Variants in TTN observed in about 807,000 individuals in gnomAD.
TTN encodes connectin.
Under a neutral mutation model 3,223.0 loss-of-function variants are expected in TTN, and 1,525 were observed. The ratio of observed to expected loss-of-function variants is 0.47; its 90% CI spans 0.45 to 0.49. TTN has a LOEUF of 0.49. Among genes scored for constraint, TTN ranks in the 20% least tolerant of loss-of-function variants. The pLI, the probability that TTN is intolerant of heterozygous loss-of-function variation, is 0.00. For synonymous variants in TTN, 14,094 were observed against 15,161.0 expected, an observed-to-expected ratio of 0.93 and a Z score of 5.17; for missense variants, 40,786 against 43,424.0, an observed-to-expected ratio of 0.94 and a Z score of 5.40.
intron 3 of TTN, among the ~76,000 whole-genome samples, chr2:178,801,256 C>T (rs936178868): frequency 6.6e-6 from 1 of 152,098 alleles, no homozygotes; most frequent in Non-Finnish European, 1.5e-5. Flanking sequence ...AATTGTGTTA[C>T]AGAAAGGGGA....
Position 178,739,137 on chromosome 2 carries a change from C to T in TTN, c.14092+4G>A, listed in dbSNP as rs2082039011. 1.3e-6 allele frequency: 2 copies of T among 1,498,852 alleles called. No homozygotes were observed. The highest frequency in any genetic ancestry group is 4.6e-5 in the East Asian group (2 of 43,472). The allele number at this position is 1,498,852 out of a possible 1,614,324, so 92.8% of individuals were successfully genotyped here. On this transcript the variant is annotated splice_donor_region_variant and intron_variant, in intron 48 of 362. Coordinates refer to ENST00000589042, the MANE Select transcript of TTN (RefSeq NM_001267550.2). ...TTTGATCTATTTTATCCTTAAAATCCAACCTCTTTTTACTACAGTGAGTTT... is the reference window on the plus strand; with the variant it reads ...TTTGATCTATTTTATCCTTAAAATCTAACCTCTTTTTACTACAGTGAGTTT...
chr2:178,556,550 ACT>A (rs1701595021), intron 330 of TTN: 1 of 380,980 alleles, frequency 2.6e-6, no homozygotes, highest in Middle Eastern at 7.3e-4. Flanking sequence ...TTAATTATTG[ACT>A]CTGATAATTT....
In TTN at chr2:178,586,650, C is replaced by T. The variant is rs879230654; in HGVS notation, c.64251G>A (p.Glu21417=). 2 of 1,613,048 alleles carry T rather than the reference C, an allele frequency of 1.2e-6. No homozygotes were observed. The highest frequency in any genetic ancestry group is 1.3e-5 in the African/African-American group (1 of 74,838). The change falls in exon 308 of 363, where the codon GAG becomes GAA. Residue 21417 remains glutamate (E), a synonymous_variant. Transcript: ENST00000589042. ...EEEQPADRWT[E]YSVVKDLSLV... is the part of the protein sequence containing the mutation. ...GGCTCAGATCTTTTACCACTGAGTACTCTGTCCAGCGATCTGCAGGCTGCT... is the reference window on the plus strand; with the variant it reads ...GGCTCAGATCTTTTACCACTGAGTATTCTGTCCAGCGATCTGCAGGCTGCT...
In TTN at chr2:178,740,252, G is replaced by C. The variant is rs1553938292; in HGVS notation, c.12981C>G (p.Ser4327=). 6.2e-7 allele frequency: 1 copy of C among 1,613,588 alleles called. No individual in the cohort carries two copies. Among genetic ancestry groups the C allele is most frequent in the Non-Finnish European group, 8.5e-7 (1 of 1,179,814 alleles). ...DSAVRIEEGK[S]LRFPLALEEK... The stretch of plus-strand genomic sequence containing the variant: ...CTTCAAGTGCTAGTGGAAATCTTAA[G>C]GACTTGCCTTCCTCAATTCTGACCG... Residue 4327 remains serine (S), a synonymous_variant, in exon 48 of 363, where the codon TCC becomes TCG. Transcript: ENST00000589042.
In TTN at chr2:178,642,290, T is replaced by A; in HGVS notation, c.40505A>T (p.Lys13502Ile). The A allele has an allele frequency of 6.3e-7, 1 of 1,594,946 alleles. No individual in the cohort carries two copies. Among genetic ancestry groups the A allele is most frequent in the South Asian group, 1.1e-5 (1 of 87,686 alleles). ...TTCAGGTTTACGTTCCGGAAGTAAT[T>A]TGCGAACTTTCTTTTCACCTCCAGG... ...KVPGGEKKVR[K>I]LLPERKPEPK... The change falls in exon 219 of 363, where the codon AAA (lysine) becomes ATA (isoleucine). Residue 13502 changes from lysine (K) to isoleucine (I), a missense_variant. Coordinates refer to ENST00000589042, the MANE Select transcript of TTN (RefSeq NM_001267550.2).
In TTN at chr2:178,574,024, C is replaced by T; in HGVS notation, c.72108G>A (p.Lys24036=). The T allele has an allele frequency of 6.2e-7, 1 of 1,613,370 alleles. No individual in the cohort carries two copies. Among genetic ancestry groups the T allele is most frequent in the Non-Finnish European group, 8.5e-7 (1 of 1,179,608 alleles). Residue 24036 remains lysine (K), a synonymous_variant, in exon 326 of 363, where the codon AAG becomes AAA. Coordinates refer to ENST00000589042, the MANE Select transcript of TTN (RefSeq NM_001267550.2). The stretch of plus-strand genomic sequence containing the variant: ...CACCTGCTTTTAATATAACCGTGTC[C>T]TTAAATTTAACATCCACCTTTATCT... The part of the protein sequence containing the change: ...APKIKVDVKF[K]DTVILKAGEA...
intron 8 of TTN, 88 bp from the exon 9 acceptor site, chr2:178,793,629 C>A: frequency 1.3e-6 from 2 of 1,581,680 alleles, no homozygotes; most frequent in Non-Finnish European, 1.7e-6. Context: ...ATGGTGAAAT[C>A]CTCTACTAAA....
Position 178,757,334 on chromosome 2 carries a change from T to C in TTN, c.10678+208A>G, listed in dbSNP as rs577016528. ...AATAAAATAATTATTGGTTCTCTAGTGCATAGAACACATACTTCAGTGAAA... is the reference window on the plus strand; with the variant it reads ...AATAAAATAATTATTGGTTCTCTAGCGCATAGAACACATACTTCAGTGAAA... On this transcript the variant is annotated intron_variant, in intron 45 of 362. Coordinates refer to ENST00000589042, the MANE Select transcript of TTN (RefSeq NM_001267550.2). 1.2e-4 allele frequency among the ~76,000 whole-genome samples: 18 copies of C among 152,206 alleles called. No individual in the cohort carries two copies. The East Asian group carries it at 3.3e-3, about 28-fold the overall frequency.
Position 178,689,911 on chromosome 2 carries a change from A to AG in TTN, c.31763-16_31763-15insC. On this transcript the variant is annotated splice_polypyrimidine_tract_variant and intron_variant, in intron 121 of 362. Transcript: ENST00000589042. ...CACCTCTGGGACTTAAAGTTTTTGA[A>AG]ACACAATGTTAGTTCAGACATATAT... 6.2e-7 allele frequency: 1 copy of AG among 1,607,386 alleles called. No homozygotes were observed.
intron 5 of TTN, 30 bp downstream of exon 5, chr2:178,799,795 G>A: frequency 6.2e-7 from 1 of 1,614,168 alleles, no homozygotes; most frequent in Non-Finnish European, 8.5e-7. Context: ...CAGCCTGAAA[G>A]GCTTGAAAAC....
In TTN at chr2:178,599,681, T is replaced by G; in HGVS notation, c.56220A>C (p.Lys18740Asn). The change falls in exon 289 of 363, where the codon AAA becomes AAC. Residue 18740 changes from lysine to asparagine, a missense_variant. Coordinates refer to ENST00000589042, the MANE Select transcript of TTN (RefSeq NM_001267550.2). ...AAGTGCAAGTATCATCTACCACCAG[T>G]TTGTTGACATGGGTGTCATAGAGAA... ...EPVLYDTHVN[K>N]LVVDDTCTLV... 1 of 1,612,984 alleles carries G rather than the reference T, an allele frequency of 6.2e-7. No individual in the cohort carries two copies. The highest frequency in any genetic ancestry group is 8.5e-7 in the Non-Finnish European group (1 of 1,179,362).
chr2:178,632,444 A>T, intron 235 of TTN, 31 bp from the exon 236 acceptor site: 1 of 1,577,948 alleles, frequency 6.3e-7, no homozygotes, highest in South Asian at 1.2e-5. Context: ...GAACTTATTA[A>T]TTGAAGCACT....
chr2:178,612,998 G>A lies in TTN; in HGVS notation c.49723C>T (p.Pro16575Ser). 1 of 1,612,664 alleles carries A rather than the reference G, an allele frequency of 6.2e-7. No homozygotes were observed. The highest frequency in any genetic ancestry group is 8.5e-7 in the Non-Finnish European group (1 of 1,179,244). ...KTSVRLNWTK[P>S]EHDGGAKIES... Reference sequence around the variant, plus strand: ...ATCTTTGCACCTCCATCATGTTCTGGTTTTGTCCAATTCAACCTTACTGAT... The same window carrying A: ...ATCTTTGCACCTCCATCATGTTCTGATTTTGTCCAATTCAACCTTACTGAT... Residue 16575 changes from proline (P) to serine (S), a missense_variant, in exon 265 of 363, where the codon CCA becomes TCA. Pro to Ser is a moderately conservative substitution (Grantham distance 74). Transcript: ENST00000589042.
intron 144 of TTN, 35 bp from the exon 145 acceptor site, chr2:178,678,243 CT>C: frequency 6.4e-7 from 1 of 1,574,364 alleles, no homozygotes; most frequent in South Asian, 1.2e-5. Context: ...GGAATATGTT[CT>C]TTTAAAATGT....
Position 178,530,472 on chromosome 2 carries a change from A to G in TTN, c.106143T>C (p.Ser35381=), listed in dbSNP as rs961119478. 6.2e-7 allele frequency: 1 copy of G among 1,613,756 alleles called. No individual in the cohort carries two copies. The highest frequency in any genetic ancestry group is 1.3e-5 in the African/African-American group (1 of 74,890). ...NLQFMGQAFK[S]IHEKVSKISE... is the part of the protein sequence containing the mutation. ...ATATTTTTGATACCTTCTCATGGAT[A>G]CTCTTAAAGGCTTGCCCCATAAATT... Residue 35381 remains serine (S), a synonymous_variant, in exon 358 of 363, where the codon AGT becomes AGC. Coordinates refer to ENST00000589042, the MANE Select transcript of TTN (RefSeq NM_001267550.2).
At chr2:178,752,436 T>C (rs1041025687) in intron 47 of TTN, among the ~76,000 whole-genome samples, 1 of 152,086 alleles carries the variant, frequency 6.6e-6, no homozygotes, top group Non-Finnish European at 1.5e-5. Flanking sequence ...TAGATTAAAT[T>C]ATTATATTTT....
In TTN at chr2:178,576,874, A is replaced by ACTCTGCTATAAATGTTTC. The variant is rs1340654062; in HGVS notation, c.69412+31_69413-44dup. ...TTATTAGAAATCCATGATTTCCTAAACTCTGCTATAAATGTTTCCATGTCA... is the reference window on the plus strand; with the variant it reads ...TTATTAGAAATCCATGATTTCCTAAACTCTGCTATAAATGTTTCCTCTGCTATAAATGTTTCCATGTCA... On this transcript the variant is annotated intron_variant, in intron 324 of 362. Transcript: ENST00000589042. The surrounding 1 kb of genome is among the most constrained non-coding windows in gnomAD (Gnocchi z 4.3). 6.9e-6 allele frequency: 11 copies of ACTCTGCTATAAATGTTTC among 1,603,628 alleles called. No homozygotes were observed. The highest frequency in any genetic ancestry group is 8.5e-6 in the Non-Finnish European group (10 of 1,177,124).
At chr2:178,757,978 A>C in intron 44 of TTN, 62 bp from the exon 45 acceptor site, 1 of 1,478,004 alleles carries the variant, frequency 6.8e-7, no homozygotes, top group Non-Finnish European at 9.0e-7. Context: ...ACTCATTTGG[A>C]GTTGTCTACA....
In TTN at chr2:178,537,090, T is replaced by G. The variant is rs1691940311; in HGVS notation, c.100019A>C (p.Gln33340Pro). The G allele has an allele frequency of 6.2e-7, 1 of 1,613,144 alleles. No individual in the cohort carries two copies. The highest frequency in any genetic ancestry group is 8.5e-7 in the Non-Finnish European group (1 of 1,179,590). Residue 33340 changes from glutamine (Q) to proline (P), a missense_variant, in exon 356 of 363, where the codon CAA (glutamine) becomes CCA (proline). Coordinates refer to ENST00000589042, the MANE Select transcript of TTN (RefSeq NM_001267550.2). ...KCEAKEGAEW[Q>P]LVSSAISVTT... ...CACTGAGATGGCTGAAGACACCAAT[T>G]GCCATTCAGCCCCCTCCTTGGCCTC... is the stretch of plus-strand genomic sequence containing the variant.
Sources: allele counts gnomAD v4.1 joint callset (sites outside exome capture counted in the v4.1 genomes callset), GRCh38; gene constraint gnomAD v4.1.1; non-coding constraint Gnocchi (gnomAD v3.1); transcripts MANE v1.5; gene names NCBI Gene and HGNC (gene_info 2026-07-23, HGNC 2026-07-21).